Variants in RPRD2 observed in about 807,000 individuals in gnomAD.
RPRD2 encodes regulation of nuclear pre-mRNA domain containing 2, also known as regulation of nuclear pre-mRNA domain-containing protein 2.
RPRD2 carries 12 observed loss-of-function variants against 104.4 expected under a neutral mutation model. The ratio of observed to expected loss-of-function variants is 0.11; its 90% CI spans 0.07 to 0.19. The LOEUF is 0.19. RPRD2 is among the 10% of genes least tolerant of loss of function. RPRD2 has a pLI of 1.00. For synonymous variants in RPRD2, 714 were observed against 684.9 expected, an observed-to-expected ratio of 1.04 and a Z score of -0.66; for missense variants, 1,543 against 1,790.1, an observed-to-expected ratio of 0.86 and a Z score of 2.49.
chr1:150,443,137 T>A, intron 4 of RPRD2, 94 bp from the exon 5 acceptor site: 1 of 772,502 alleles, frequency 1.3e-6, no homozygotes, highest in East Asian at 2.7e-5. Context: ...TGCCATATGT[T>A]CAGAGTATAT....
chr1:150,372,604 TC>T (rs1328392391), intron 1 of RPRD2, among the ~76,000 whole-genome samples: 1 of 151,778 alleles, frequency 6.6e-6, no homozygotes, highest in Admixed American at 6.6e-5. Context: ...CGATAAATGC[TC>T]TAGAGAAATA....
Position 150,473,412 on chromosome 1 carries a change from ATTTG to A in RPRD2, c.*82_*85del. On this transcript the variant is annotated 3_prime_UTR_variant, in exon 11 of 11. Coordinates refer to ENST00000369068, the MANE Select transcript of RPRD2 (RefSeq NM_015203.5). ...AGTTTGGTTTATTGTTGTTGTTTTT[ATTTG>A]TTTTCTCTTTCTCGATTTTTTTTTT... 2 of 1,393,996 alleles carry A rather than the reference ATTTG, an allele frequency of 1.4e-6. No homozygotes were observed. The highest frequency in any genetic ancestry group is 1.9e-6 in the Non-Finnish European group (2 of 1,040,064). The allele number at this position is 1,393,996 out of a possible 1,614,324, so 86.4% of individuals were successfully genotyped here. A position where few individuals can be genotyped will look rare whatever the true frequency, so the allele number is the denominator to read the frequency against.
chr1:150,379,033 A>G (rs1553880185), intron 1 of RPRD2, among the ~76,000 whole-genome samples: 1 of 148,682 alleles, frequency 6.7e-6, no homozygotes, highest in Non-Finnish European at 1.5e-5. Flanking sequence ...CTGTAATCCC[A>G]GTACTTTGGG....
intron 1 of RPRD2, among the ~76,000 whole-genome samples, chr1:150,404,208 T>A (rs1463364349): frequency 6.6e-6 from 1 of 152,184 alleles, no homozygotes; most frequent in Non-Finnish European, 1.5e-5. Flanking sequence ...TAGTTTGAAA[T>A]AATTTTTTAG....
At chr1:150,389,780 G>A (rs112090351) in intron 1 of RPRD2, among the ~76,000 whole-genome samples, 2 of 152,168 alleles carry the variant, frequency 1.3e-5, no homozygotes, top group African/African-American at 2.4e-5. Context: ...TACTAAAAAA[G>A]TAAGGGAGGT....
intron 1 of RPRD2, among the ~76,000 whole-genome samples, chr1:150,396,076 C>A (rs1662497337): frequency 6.6e-6 from 1 of 152,084 alleles, no homozygotes; most frequent in Non-Finnish European, 1.5e-5. Context: ...TTTTGATTTG[C>A]ATTTCCCTGA....
chr1:150,463,526 A>T (rs1553899279), intron 9 of RPRD2, among the ~76,000 whole-genome samples: 1 of 151,962 alleles, frequency 6.6e-6, no homozygotes, highest in Non-Finnish European at 1.5e-5. Context: ...GATGTTAAAA[A>T]TTTTTTTCCT....
chr1:150,412,123 C>CA (rs1203612695), intron 1 of RPRD2, among the ~76,000 whole-genome samples: 4 of 150,276 alleles, frequency 2.7e-5, no homozygotes, highest in South Asian at 2.1e-4. Context: ...ACTAAGTCTC[C>CA]AAAAAAAAGA....
chr1:150,427,426 T>A (rs150407733), intron 2 of RPRD2, among the ~76,000 whole-genome samples: 1 of 150,978 alleles, frequency 6.6e-6, no homozygotes, highest in African/African-American at 2.4e-5. Flanking sequence ...TGAGCCGAGA[T>A]TGCCCCACTG....
intron 2 of RPRD2, among the ~76,000 whole-genome samples, chr1:150,430,247 A>G (rs1665459608): frequency 6.6e-6 from 1 of 152,248 alleles, no homozygotes; most frequent in Non-Finnish European, 1.5e-5. Flanking sequence ...ATGGAATAAC[A>G]AAATGAACAA....
chr1:150,379,343 T>C (rs1660959060), intron 1 of RPRD2, among the ~76,000 whole-genome samples: 1 of 152,142 alleles, frequency 6.6e-6, no homozygotes, highest in Non-Finnish European at 1.5e-5. Flanking sequence ...TTTATTGTTT[T>C]TAATGGGTTA....
chr1:150,412,917 C>T (rs1417020375), intron 1 of RPRD2, among the ~76,000 whole-genome samples: 5 of 151,642 alleles, frequency 3.3e-5, no homozygotes, highest in Non-Finnish European at 5.9e-5. Context: ...GATATAAAAT[C>T]GCATCCTTTG....
At chr1:150,429,943 T>C (rs12738490) in intron 2 of RPRD2, among the ~76,000 whole-genome samples, 33,747 of 152,126 alleles carry the variant, frequency 0.22, 4,260 homozygotes, top group African/African-American at 0.32. Context: ...ACTATGTGAT[T>C]TTGGCATTTA....
intron 1 of RPRD2, among the ~76,000 whole-genome samples, chr1:150,378,583 C>G (rs1172552733): frequency 6.6e-6 from 1 of 152,210 alleles, no homozygotes. Flanking sequence ...GAACACACTT[C>G]TCTCCTTTTA....
intron 7 of RPRD2, among the ~76,000 whole-genome samples, chr1:150,452,260 C>G (rs1487801994): frequency 2.0e-5 from 3 of 151,772 alleles, no homozygotes; most frequent in Admixed American, 2.0e-4. Context: ...CCAAAAACAT[C>G]AAGGATTGAT....
intron 5 of RPRD2, 98 bp from the exon 6 acceptor site, chr1:150,444,148 GTTTGT>G (rs771139817): frequency 2.2e-4 from 258 of 1,171,506 alleles, no homozygotes; most frequent in East Asian, 4.9e-4. Context: ...GCTTTAGGGT[GTTTGT>G]TTTGTTTTGT....
At chr1:150,431,148 G>A (rs182896155) in intron 2 of RPRD2, among the ~76,000 whole-genome samples, 2 of 152,158 alleles carry the variant, frequency 1.3e-5, no homozygotes, top group Non-Finnish European at 2.9e-5. Flanking sequence ...AAAATGACAA[G>A]GCTTAGAGAG....
At chr1:150,384,666 TG>T (rs1661425480) in intron 1 of RPRD2, among the ~76,000 whole-genome samples, 1 of 145,478 alleles carries the variant, frequency 6.9e-6, no homozygotes, top group Non-Finnish European at 1.5e-5. Flanking sequence ...TGTGTGTGTG[TG>T]TGTGTGTGTG....
chr1:150,387,566 C>CTTTTTTTTTTTTTTTTTT lies in RPRD2; in HGVS notation c.205+22647_205+22648insTTTTTTTTTTTTTTTTTT, dbSNP rs1661661325. Among the ~76,000 whole-genome samples the CTTTTTTTTTTTTTTTTTT allele has an allele frequency of 7.1e-5, 5 of 70,114 alleles. 2 individuals are homozygous for CTTTTTTTTTTTTTTTTTT. The highest frequency in any genetic ancestry group is 2.9e-5 in the Non-Finnish European group (1 of 34,168). 46.0% of individuals were successfully genotyped at this position (70,114 alleles called of 152,430 possible). ...TAAATCTTACAGAAGTTGCAACAGA[C>CTTTTTTTTTTTTTTTTTT]CTTTTTTTTTTTTTTTTTTTTTTTT... On this transcript the variant is annotated intron_variant, in intron 1 of 10. Transcript: ENST00000369068.
Sources: allele counts gnomAD v4.1 joint callset (sites outside exome capture counted in the v4.1 genomes callset), GRCh38; gene constraint gnomAD v4.1.1; transcripts MANE v1.5; gene names NCBI Gene and HGNC (gene_info 2026-07-23, HGNC 2026-07-21).